Variants in PIP5K1C observed in about 807,000 individuals in gnomAD.
PIP5K1C encodes phosphatidylinositol-4-phosphate 5-kinase type 1 gamma.
A neutral mutation model predicts 80.1 loss-of-function variants in PIP5K1C; 45 were observed. The ratio of observed to expected loss-of-function variants is 0.56; its 90% CI spans 0.44 to 0.72. The LOEUF (loss-of-function observed/expected upper bound fraction) is 0.72. Ranked by LOEUF, PIP5K1C falls within the 30% of genes least tolerant of loss-of-function variation. The pLI, the probability that PIP5K1C is intolerant of heterozygous loss-of-function variation, is 0.00. For missense variants in PIP5K1C, 753 were observed against 954.6 expected (o/e 0.79, Z 2.78); for synonymous variants, 498 against 420.1 (o/e 1.19, Z -2.27).
chr19:3,634,232 T>C (rs1048617699), intron 16 of PIP5K1C, among the ~76,000 whole-genome samples: 1 of 151,752 alleles, frequency 6.6e-6, no homozygotes, highest in African/African-American at 2.4e-5. Flanking sequence ...CTGGGTGGGA[T>C]CTGGGGAGGG....
chr19:3,689,561 A>T (rs113321886), intron 1 of PIP5K1C, among the ~76,000 whole-genome samples: 111 of 152,246 alleles, frequency 7.3e-4, no homozygotes, highest in African/African-American at 2.6e-3. Flanking sequence ...AGGCAGCAGA[A>T]TTGCTTGAAA....
rs1387530658 is a variant in PIP5K1C at position 3,692,094 on chromosome 19, G to A, written c.94+8203C>T. 1.3e-5 allele frequency among the ~76,000 whole-genome samples: 2 copies of A among 152,172 alleles called. No individual in the cohort carries two copies. The highest frequency in any genetic ancestry group is 2.4e-5 in the African/African-American group (1 of 41,438). The stretch of plus-strand genomic sequence containing the variant: ...ACGTCCCTGTCCCCACTCCCTGGGC[G>A]CCCACCATGGGCAGGGCCGGCTCTG... On this transcript the variant is annotated intron_variant, in intron 1 of 17. Transcript: ENST00000335312. The surrounding 1 kb of genome is among the most constrained non-coding windows in gnomAD (Gnocchi z 5.2).
At position 3,643,521 on chromosome 19, in the gene PIP5K1C, C is replaced by A. The variant is rs867200093; in HGVS notation, c.1511-140G>T. The A allele has an allele frequency of 5.7e-5, 56 of 977,178 alleles. No homozygotes were observed. In the Middle Eastern group the frequency reaches 9.5e-4, roughly 17 times the overall value. 60.5% of individuals were successfully genotyped at this position (977,178 alleles called of 1,614,324 possible). On this transcript the variant is annotated intron_variant, in intron 12 of 17. Transcript: ENST00000335312. ...TCCCAGACACTCCCACCTCCCCACA[C>A]GGCAGGGAAGGACGACGTTCCCCCT...
intron 1 of PIP5K1C, among the ~76,000 whole-genome samples, chr19:3,681,540 TC>T (rs919555726): frequency 2.0e-4 from 31 of 152,164 alleles, no homozygotes; most frequent in African/African-American, 7.5e-4. Context: ...CCCACTTTTG[TC>T]TTTTGTTTGA....
chr19:3,672,169 GTCTC>G (rs1016758050), intron 1 of PIP5K1C, among the ~76,000 whole-genome samples: 1 of 152,230 alleles, frequency 6.6e-6, no homozygotes, highest in Non-Finnish European at 1.5e-5. Flanking sequence ...CTGAGCCTCA[GTCTC>G]TCTCTATAAA....
At chr19:3,660,621 A>G (rs757454) in intron 5 of PIP5K1C, among the ~76,000 whole-genome samples, 84,157 of 151,980 alleles carry the variant, frequency 0.55, 23,557 homozygotes, top group East Asian at 0.71. Flanking sequence ...TAAGTCTGAA[A>G]ATGGGTCAGT....
chr19:3,657,559 C>T (rs570293214), intron 5 of PIP5K1C, among the ~76,000 whole-genome samples: 8 of 152,220 alleles, frequency 5.3e-5, no homozygotes, highest in South Asian at 4.1e-4. Flanking sequence ...CCGAGTGCTG[C>T]GTGCCGCCTC....
intron 5 of PIP5K1C, among the ~76,000 whole-genome samples, chr19:3,656,990 T>G (rs1194517834): frequency 1.3e-5 from 2 of 152,212 alleles, no homozygotes; most frequent in Non-Finnish European, 2.9e-5. Context: ...CTGGCATACC[T>G]GCGTATTTGC....
intron 10 of PIP5K1C, among the ~76,000 whole-genome samples, 183 bp from the exon 11 acceptor site, chr19:3,646,241 T>C (rs1396455601): frequency 6.6e-6 from 1 of 152,038 alleles, no homozygotes; most frequent in African/African-American, 2.4e-5. Flanking sequence ...TGGCTCCCTC[T>C]GGGGAGGGAG....
chr19:3,651,055 GT>G (rs60438258), intron 8 of PIP5K1C, among the ~76,000 whole-genome samples: 181 of 127,238 alleles, frequency 1.4e-3, no homozygotes, highest in Admixed American at 2.2e-3. Context: ...CGCGCCCAGC[GT>G]TTTTTTTTTT....
intron 9 of PIP5K1C, 115 bp from the exon 10 acceptor site, chr19:3,647,501 G>C (rs988906112): frequency 1.1e-6 from 1 of 911,566 alleles, no homozygotes; most frequent in South Asian, 1.4e-5. Flanking sequence ...TCAAGCAGTC[G>C]TGGCTGTCAA....
At chr19:3,652,059 C>A in intron 7 of PIP5K1C, 28 bp from the exon 8 acceptor site, 7 of 1,604,540 alleles carry the variant, frequency 4.4e-6, no homozygotes, top group Non-Finnish European at 6.0e-6. Flanking sequence ...GAACACGCCA[C>A]GCCGTCAGCC....
intron 1 of PIP5K1C, 134 bp downstream of exon 1, chr19:3,700,163 C>G: frequency 2.6e-6 from 1 of 380,174 alleles, no homozygotes; most frequent in Non-Finnish European, 3.8e-6. Flanking sequence ...CAGGGGACTG[C>G]CCCGCCCCAG....
intron 6 of PIP5K1C, among the ~76,000 whole-genome samples, chr19:3,655,688 C>A (rs146277200): frequency 2.0e-5 from 3 of 152,288 alleles, no homozygotes; most frequent in Non-Finnish European, 4.4e-5. Context: ...GGAGCCCGGG[C>A]CCCTCGCTAA....
chr19:3,658,172 G>C (rs2034702871), intron 5 of PIP5K1C, among the ~76,000 whole-genome samples: 1 of 152,214 alleles, frequency 6.6e-6, no homozygotes, highest in South Asian at 2.1e-4. Context: ...CTCGGGCCAG[G>C]GAACGGCGCC....
rs1382956434 is a variant in PIP5K1C at position 3,688,677 on chromosome 19, C to T, written c.94+11620G>A. 6.6e-6 allele frequency among the ~76,000 whole-genome samples: 1 copy of T among 152,088 alleles called. No homozygotes were observed. Among genetic ancestry groups the T allele is most frequent in the Non-Finnish European group, 1.5e-5 (1 of 68,016 alleles). On this transcript the variant is annotated intron_variant, in intron 1 of 17. Transcript: ENST00000335312. The surrounding 1 kb of genome is among the most constrained non-coding windows in gnomAD (Gnocchi z 5.3). ...CTCAGGGCTAGAGACCCGGATGAGC[C>T]CCATGGAGAAACCCGTAGTGAGAGA...
chr19:3,643,975 G>A (rs754205023), intron 12 of PIP5K1C, 112 bp downstream of exon 12: 26 of 1,307,468 alleles, frequency 2.0e-5, no homozygotes, highest in East Asian at 4.9e-5. Context: ...CTGCAGATCC[G>A]GAGGGGGTGG....
intron 1 of PIP5K1C, among the ~76,000 whole-genome samples, chr19:3,697,037 A>G (rs1003160764): frequency 1.3e-5 from 2 of 150,484 alleles, no homozygotes; most frequent in Non-Finnish European, 3.0e-5. Context: ...AGCTGGACAA[A>G]GGAGGACTGA....
chr19:3,637,293 T>C lies in PIP5K1C; in HGVS notation c.1920+1591A>G. 2 of 1,494,804 alleles carry C rather than the reference T, an allele frequency of 1.3e-6. No individual in the cohort carries two copies. The highest frequency in any genetic ancestry group is 1.8e-6 in the Non-Finnish European group (2 of 1,124,604). 92.6% of individuals were successfully genotyped at this position (1,494,804 alleles called of 1,614,324 possible). A position where few individuals can be genotyped will look rare whatever the true frequency, so the allele number is the denominator to read the frequency against. ...TGGGCCTCAGCTGTGCACCTGGTGA[T>C]GGTGCTGCCCTATGGAGCGCCCGGT... On this transcript the variant is annotated intron_variant, in intron 16 of 17. Transcript: ENST00000335312. The surrounding 1 kb of genome is among the most constrained non-coding windows in gnomAD (Gnocchi z 7.0).
Sources: allele counts gnomAD v4.1 joint callset (sites outside exome capture counted in the v4.1 genomes callset), GRCh38; gene constraint gnomAD v4.1.1; non-coding constraint Gnocchi (gnomAD v3.1); transcripts MANE v1.5; gene names NCBI Gene and HGNC (gene_info 2026-07-23, HGNC 2026-07-21).